The following SCHIP1 variants were observed in gnomAD, a reference collection of about 807,000 sequenced individuals.
SCHIP1 encodes schwannomin interacting protein 1.
SCHIP1 carries 8 observed loss-of-function variants against 29.7 expected under a neutral mutation model. The observed-to-expected ratio is 0.27, with a 90% CI of 0.16 to 0.49. SCHIP1 has a LOEUF of 0.49. SCHIP1 is among the 20% of genes least tolerant of loss of function. The pLI, the probability that SCHIP1 is intolerant of heterozygous loss-of-function variation, is 0.99. For synonymous variants in SCHIP1, 76 were observed against 94.9 expected, an observed-to-expected ratio of 0.80 and a Z score of 1.16; for missense variants, 193 against 294.6, an observed-to-expected ratio of 0.66 and a Z score of 2.52.
At chr3:159,347,044 C>T in the SCHIP1 span, among the ~76,000 whole-genome samples, 1 of 152,076 alleles carries the variant, frequency 6.6e-6, no homozygotes, top group African/African-American at 2.4e-5. Flanking sequence ...AGCTTCACAT[C>T]TCACTGGCTT....
At position 159,843,000 on chromosome 3, in the gene SCHIP1, TC is replaced by T. The variant is rs1290880315; in HGVS notation, c.30+2787del. 5.0e-3 allele frequency among the ~76,000 whole-genome samples: 464 copies of T among 93,562 alleles called. 76 individuals carry two copies. Among genetic ancestry groups the T allele is most frequent in the South Asian group, 0.016 (34 of 2,188 alleles). 61.4% of individuals were successfully genotyped at this position (93,562 alleles called of 152,430 possible). On this transcript the variant is annotated intron_variant, in intron 1 of 6. Transcript: ENST00000445224. The stretch of plus-strand genomic sequence containing the variant: ...CTCCAGTTCTATCCCAATATTTCTT[TC>T]TTTTTTTTTTTTTTTTTTTTTTTTT...
At chr3:159,328,091 T>A in the SCHIP1 span, among the ~76,000 whole-genome samples, 1 of 152,148 alleles carries the variant, frequency 6.6e-6, no homozygotes, top group Non-Finnish European at 1.5e-5. Flanking sequence ...TCCAACATAG[T>A]AGTCATTAGC....
chr3:159,424,633 G>C, the SCHIP1 span, among the ~76,000 whole-genome samples: 1 of 152,176 alleles, frequency 6.6e-6, no homozygotes, highest in Non-Finnish European at 1.5e-5. Flanking sequence ...TATTATCCAG[G>C]AGAACTTCCC....
chr3:159,646,060 T>C, the SCHIP1 span, among the ~76,000 whole-genome samples: 1 of 152,090 alleles, frequency 6.6e-6, no homozygotes, highest in South Asian at 2.1e-4. Context: ...AGTCAGAAAG[T>C]GGGCAAAGCA....
chr3:159,786,207 A>T, the SCHIP1 span, among the ~76,000 whole-genome samples: 1 of 152,166 alleles, frequency 6.6e-6, no homozygotes, highest in Non-Finnish European at 1.5e-5. Context: ...TTAATTCTTT[A>T]TTGGTTAGAA....
the SCHIP1 span, among the ~76,000 whole-genome samples, chr3:159,622,752 AC>A: frequency 6.6e-5 from 10 of 151,976 alleles, no homozygotes; most frequent in Non-Finnish European, 1.0e-4. Flanking sequence ...CCCCGTCTCT[AC>A]TAAAAATACA....
At chr3:159,507,499 C>G in the SCHIP1 span, among the ~76,000 whole-genome samples, 1 of 152,162 alleles carries the variant, frequency 6.6e-6, no homozygotes, top group Non-Finnish European at 1.5e-5. Context: ...ACTTCCAGCA[C>G]TAGGTTGAAT....
chr3:159,355,130 C>T, the SCHIP1 span, among the ~76,000 whole-genome samples: 3 of 152,050 alleles, frequency 2.0e-5, no homozygotes, highest in African/African-American at 4.8e-5. Flanking sequence ...GTTGTCATAC[C>T]TTGCAGACAT....
the SCHIP1 span, among the ~76,000 whole-genome samples, chr3:159,491,357 A>G: frequency 6.6e-6 from 1 of 152,190 alleles, no homozygotes; most frequent in Non-Finnish European, 1.5e-5. Flanking sequence ...TTTCCTAGTC[A>G]CAGAAAGGGG....
chr3:159,828,883 T>G, the SCHIP1 span, among the ~76,000 whole-genome samples: 14 of 152,318 alleles, frequency 9.2e-5, no homozygotes, highest in African/African-American at 3.4e-4. Context: ...ACAAACTTTG[T>G]GTTAGTTTGA....
the SCHIP1 span, among the ~76,000 whole-genome samples, chr3:159,548,981 A>G: frequency 1.3e-5 from 2 of 152,130 alleles, no homozygotes; most frequent in Admixed American, 6.6e-5. Flanking sequence ...TGTGATTGTT[A>G]TGCTGTAAGA....
the SCHIP1 span, among the ~76,000 whole-genome samples, chr3:159,745,274 T>A: frequency 6.6e-6 from 1 of 152,336 alleles, no homozygotes; most frequent in South Asian, 2.1e-4. Flanking sequence ...CTGTTCCACT[T>A]CTTTGAACCT....
At chr3:159,387,301 GC>G in the SCHIP1 span, 2 of 288,888 alleles carry the variant, frequency 6.9e-6, no homozygotes, top group Non-Finnish European at 1.4e-5. Flanking sequence ...CTTGAGGGAT[GC>G]CCCCAGGAAA....
chr3:159,735,129 G>C, the SCHIP1 span, among the ~76,000 whole-genome samples: 17 of 152,056 alleles, frequency 1.1e-4, no homozygotes, highest in Admixed American at 5.2e-4. Context: ...TCTCTATAAA[G>C]GTGGTCTATT....
intron 1 of SCHIP1, among the ~76,000 whole-genome samples, chr3:159,857,095 AAAAG>A (rs1244387296): frequency 1.3e-5 from 2 of 152,192 alleles, no homozygotes; most frequent in Non-Finnish European, 2.9e-5. Flanking sequence ...CCTTTTCTTA[AAAAG>A]AAAGAATTAG....
the SCHIP1 span, among the ~76,000 whole-genome samples, chr3:159,812,878 T>C: frequency 6.6e-6 from 1 of 152,202 alleles, no homozygotes; most frequent in Non-Finnish European, 1.5e-5. Context: ...AGAAGCATGG[T>C]GCTGGCATCT....
chr3:159,393,828 T>A, the SCHIP1 span, among the ~76,000 whole-genome samples: 1 of 152,102 alleles, frequency 6.6e-6, no homozygotes, highest in South Asian at 2.1e-4. Context: ...AACTTTAAAG[T>A]AGTTTTTGCC....
chr3:159,713,512 A>G, the SCHIP1 span, among the ~76,000 whole-genome samples: 1 of 152,242 alleles, frequency 6.6e-6, no homozygotes, highest in Non-Finnish European at 1.5e-5. Context: ...TTGATAAAAT[A>G]TTTCAACAAT....
the SCHIP1 span, among the ~76,000 whole-genome samples, chr3:159,404,236 C>T: frequency 6.6e-6 from 1 of 152,074 alleles, no homozygotes. Flanking sequence ...AGGAATCCTT[C>T]TGCTTGAGAA....
Sources: gnomAD v4.1 joint callset for allele counts (sites outside exome capture counted in the v4.1 genomes callset) on GRCh38, gnomAD v4.1.1 for gene constraint, MANE v1.5 for transcripts, NCBI Gene and HGNC (gene_info 2026-07-23, HGNC 2026-07-21) for gene names.